The following ARHGEF18 variants were observed in gnomAD, a reference collection of about 807,000 sequenced individuals.
ARHGEF18 encodes Rho/Rac guanine nucleotide exchange factor 18.
Under a neutral mutation model 155.7 loss-of-function variants are expected in ARHGEF18, and 93 were observed. That is an observed-to-expected ratio of 0.60 (90% CI 0.50 to 0.71). The LOEUF is 0.71. Among genes scored for constraint, ARHGEF18 ranks in the 30% least tolerant of loss-of-function variants. The probability of loss-of-function intolerance (pLI) is 0.00; values close to 1 mark genes in which losing one functional copy is unlikely to be tolerated. For synonymous variants in ARHGEF18, 742 were observed against 753.1 expected (o/e 0.99, Z 0.24); for missense variants, 1,593 against 1,816.1 (o/e 0.88, Z 2.23).
downstream of ARHGEF18, among the ~76,000 whole-genome samples, chr19:7,474,898 T>G (rs77174612): frequency 0.059 from 8,944 of 151,494 alleles, 377 homozygotes; most frequent in East Asian, 0.11. Context: ...TTATGGGCCC[T>G]GGGGGGCTTG....
chr19:7,443,729 A>G (rs1055906055), intron 13 of ARHGEF18, among the ~76,000 whole-genome samples: 8 of 100,600 alleles, frequency 8.0e-5, no homozygotes, highest in Non-Finnish European at 2.0e-4. Context: ...GTTCCTCAGA[A>G]CACTCTTCTT....
At chr19:7,473,830 A>G (rs902281160), downstream of ARHGEF18, among the ~76,000 whole-genome samples, 1 of 133,258 alleles carries the variant, frequency 7.5e-6, no homozygotes, top group African/African-American at 2.9e-5. Flanking sequence ...AAAAAAAAAA[A>G]AAATTAGCCA....
At chr19:7,378,690 T>TTC (rs1449199700) in intron 6 of ARHGEF18, among the ~76,000 whole-genome samples, 1 of 82,368 alleles carries the variant, frequency 1.2e-5, no homozygotes, top group African/African-American at 3.9e-5. Flanking sequence ...GTGGCTTTTT[T>TTC]TTTTTTTTTT....
At chr19:7,474,754 A>AGTGAGTGTGTGTGTGTGTGTGTGTGT (rs796866599), downstream of ARHGEF18, among the ~76,000 whole-genome samples, 9 of 141,970 alleles carry the variant, frequency 6.3e-5, no homozygotes, top group African/African-American at 2.2e-4. Context: ...TGGGCATTGG[A>AGTGAGTGTGTGTGTGTGTGTGTGTGT]GTGTGTGTGT....
rs1008307938 is a variant in ARHGEF18 at position 7,399,803 on chromosome 19, G to A, written c.967+16600G>A. 1.1e-4 allele frequency among the ~76,000 whole-genome samples: 16 copies of A among 144,384 alleles called. No individual in the cohort carries two copies. In the Admixed American group the frequency reaches 1.1e-3, roughly 10 times the overall value. 94.7% of individuals were successfully genotyped at this position (144,384 alleles called of 152,430 possible). A position where few individuals can be genotyped will look rare whatever the true frequency, so the allele number is the denominator to read the frequency against. On this transcript the variant is annotated intron_variant, in intron 10 of 28. Coordinates refer to ENST00000668164, the MANE Select transcript of ARHGEF18 (RefSeq NM_001367823.1). ...TTTTTTTTTTTTGAGACAGAGTTTC[G>A]CTCTTATCACCTGGGCTGGAGAGCA...
chr19:7,392,591 C>A, intron 10 of ARHGEF18: 1 of 150,692 alleles, frequency 6.6e-6, no homozygotes, highest in Non-Finnish European at 1.5e-5. Context: ...TGGTGCATAC[C>A]TGTAATTCCA....
rs557718976 is a variant in ARHGEF18, at chr19:7,442,658, G to C, written c.1360+606G>C. ...CATGTCTGGCTGAATGCCCAGGTCT[G>C]GCTTCTTCTTCCCTTGTTGGTGGCT... On this transcript the variant is annotated intron_variant, in intron 13 of 28. Transcript: ENST00000668164. 2.0e-5 allele frequency among the ~76,000 whole-genome samples: 3 copies of C among 152,342 alleles called. No homozygotes were observed. The South Asian group carries it at 6.2e-4, about 32-fold the overall frequency.
intron 10 of ARHGEF18, among the ~76,000 whole-genome samples, chr19:7,404,326 T>A (rs1341168641): frequency 6.6e-6 from 1 of 152,090 alleles, no homozygotes; most frequent in Non-Finnish European, 1.5e-5. Flanking sequence ...CTTCTCGGGC[T>A]GCGTTCTCTG....
intron 1 of ARHGEF18, among the ~76,000 whole-genome samples, chr19:7,362,095 G>A (rs868707395): frequency 0.016 from 414 of 25,418 alleles, 65 homozygotes; most frequent in East Asian, 0.084. Flanking sequence ...GAAGGAGAAG[G>A]AGAAGGAGAA....
At chr19:7,468,260 A>AAG (rs2145915555) in intron 26 of ARHGEF18, among the ~76,000 whole-genome samples, 1 of 151,586 alleles carries the variant, frequency 6.6e-6, no homozygotes, top group African/African-American at 2.4e-5. Context: ...CAAAAAAAAA[A>AAG]AAAAAATGAA....
At position 7,440,634 on chromosome 19, in the gene ARHGEF18, C is replaced by G; in HGVS notation, c.1106+152C>G. ...GCAGAGAAATTCCCATTAACGCTTGCTTCCAGGATCCACGCCTTTTTTGCA... is the reference window on the plus strand; with the variant it reads ...GCAGAGAAATTCCCATTAACGCTTGGTTCCAGGATCCACGCCTTTTTTGCA... On this transcript the variant is annotated intron_variant, in intron 11 of 28. Coordinates refer to ENST00000668164, the MANE Select transcript of ARHGEF18 (RefSeq NM_001367823.1). The surrounding 1 kb of genome is among the most constrained non-coding windows in gnomAD (Gnocchi z 5.4). 1 of 1,144,186 alleles carries G rather than the reference C, an allele frequency of 8.7e-7. No individual in the cohort carries two copies. The highest frequency in any genetic ancestry group is 1.6e-5 in the African/African-American group (1 of 63,990). The allele number at this position is 1,144,186 out of a possible 1,614,324, so 70.9% of individuals were successfully genotyped here.
At chr19:7,391,379 A>G (rs2145509652) in intron 10 of ARHGEF18, among the ~76,000 whole-genome samples, 1 of 152,266 alleles carries the variant, frequency 6.6e-6, no homozygotes, top group South Asian at 2.1e-4. Context: ...TAAAGTTGGG[A>G]TGCTTTTCAG....
In ARHGEF18 at chr19:7,462,046, A is replaced by G. The variant is rs1019273547; in HGVS notation, c.2453-106A>G. The stretch of plus-strand genomic sequence containing the variant: ...AGGACACAAGGGGGCAGCCTACCTC[A>G]GGGCAGGGCCAGCGGGGTTCCTCAT... On this transcript the variant is annotated intron_variant, in intron 20 of 28. Coordinates refer to ENST00000668164, the MANE Select transcript of ARHGEF18 (RefSeq NM_001367823.1). The surrounding 1 kb of genome is among the most constrained non-coding windows in gnomAD (Gnocchi z 4.4). 1 of 1,356,476 alleles carries G rather than the reference A, an allele frequency of 7.4e-7. No individual in the cohort carries two copies. Among genetic ancestry groups the G allele is most frequent in the Non-Finnish European group, 1.0e-6 (1 of 962,488 alleles). 84.0% of individuals were successfully genotyped at this position (1,356,476 alleles called of 1,614,324 possible). A position where few individuals can be genotyped will look rare whatever the true frequency, so the allele number is the denominator to read the frequency against.
intron 22 of ARHGEF18, 57 bp downstream of exon 22, chr19:7,464,012 T>C: frequency 6.6e-7 from 1 of 1,507,680 alleles, no homozygotes; most frequent in Non-Finnish European, 8.9e-7. Flanking sequence ...GGATGCACAT[T>C]AACTTGTATG....
In ARHGEF18 at chr19:7,453,638, G is replaced by A. The variant is rs531419196; in HGVS notation, c.2027G>A (p.Arg676His). Residue 676 changes from arginine to histidine, a missense_variant, in exon 17 of 29, where the codon CGC (arginine) becomes CAC (histidine). Coordinates refer to ENST00000668164, the MANE Select transcript of ARHGEF18 (RefSeq NM_001367823.1). ...AAACTCAAGAACGGGCTCACCTTCC[G>A]CAAGGAAGACATGCTTCAGCGGCAG... The part of the protein sequence containing the change: ...SSKLKNGLTF[R>H]KEDMLQRQLH... 134 of 1,611,804 alleles carry A rather than the reference G, an allele frequency of 8.3e-5. 1 individual carries two copies. The highest frequency in any genetic ancestry group is 6.6e-4 in the South Asian group (60 of 90,930).
At position 7,467,216 on chromosome 19, in the gene ARHGEF18, G is replaced by A; in HGVS notation, c.3012G>A (p.Ala1004=). The stretch of plus-strand genomic sequence containing the variant: ...CGCCTGGCCCTGGCCCTCCGCAGGC[G>A]GTAATCGCCCACCAGGACAGCTATG... The part of the protein sequence containing the change: ...TLSQLLLNLQ[A]VIAHQDSYVE... Residue 1004 remains alanine (A), a splice_region_variant and synonymous_variant, in exon 26 of 29, where the codon GCG becomes GCA. Transcript: ENST00000668164. 1 of 1,584,758 alleles carries A rather than the reference G, an allele frequency of 6.3e-7. No individual in the cohort carries two copies. The highest frequency in any genetic ancestry group is 8.6e-7 in the Non-Finnish European group (1 of 1,162,012).
chr19:7,432,034 A>ATGT (rs1305075509), intron 10 of ARHGEF18, among the ~76,000 whole-genome samples: 1 of 152,086 alleles, frequency 6.6e-6, no homozygotes, highest in Non-Finnish European at 1.5e-5. Context: ...AAGCTGCAAG[A>ATGT]TGTCTTTTTT....
chr19:7,358,163 A>G (rs149246626), intron 1 of ARHGEF18, among the ~76,000 whole-genome samples: 44 of 1,852 alleles, frequency 0.024, no homozygotes, highest in Admixed American at 0.19. Flanking sequence ...CCATCCTTCC[A>G]TCCATCCATC....
At chr19:7,443,316 A>G (rs911506347) in intron 13 of ARHGEF18, among the ~76,000 whole-genome samples, 6 of 151,760 alleles carry the variant, frequency 4.0e-5, no homozygotes, top group African/African-American at 1.5e-4. Context: ...TGGCCTCCCA[A>G]AATGCTAGGA....
Sources: gnomAD v4.1 joint callset for allele counts (sites outside exome capture counted in the v4.1 genomes callset) on GRCh38, gnomAD v4.1.1 for gene constraint, Gnocchi (gnomAD v3.1) non-coding constraint, MANE v1.5 for transcripts, NCBI Gene and HGNC (gene_info 2026-07-23, HGNC 2026-07-21) for gene names.